The following RPS6KA5 variants were observed in gnomAD, a reference collection of about 807,000 sequenced individuals.
RPS6KA5 encodes ribosomal protein S6 kinase alpha-5.
A neutral mutation model predicts 85.5 loss-of-function variants in RPS6KA5; 27 were observed. The observed-to-expected ratio is 0.32, with a 90% CI of 0.23 to 0.44. RPS6KA5 has a LOEUF of 0.44. Among genes scored for constraint, RPS6KA5 ranks in the 20% least tolerant of loss-of-function variants. RPS6KA5 has a pLI of 1.00. For missense variants in RPS6KA5, 811 were observed against 980.9 expected (o/e 0.83, Z 2.31); for synonymous variants, 334 against 348.2 (o/e 0.96, Z 0.46).
intron 8 of RPS6KA5, among the ~76,000 whole-genome samples, chr14:90,904,570 A>G (rs1035260591): frequency 2.0e-5 from 3 of 152,232 alleles, no homozygotes; most frequent in Admixed American, 2.0e-4. Flanking sequence ...TTATAAGCAC[A>G]TAACTTGTGC....
chr14:91,036,259 T>A (rs1040493330), intron 1 of RPS6KA5, among the ~76,000 whole-genome samples: 1 of 152,198 alleles, frequency 6.6e-6, no homozygotes, highest in Non-Finnish European at 1.5e-5. Flanking sequence ...AAAGACAAGC[T>A]AACTAAGGCC....
chr14:91,024,336 T>C (rs2041908939), intron 1 of RPS6KA5, among the ~76,000 whole-genome samples: 1 of 152,210 alleles, frequency 6.6e-6, no homozygotes, highest in African/African-American at 2.4e-5. Context: ...TTTTATATCA[T>C]CTAATGCTTG....
At chr14:90,908,441 G>C (rs1156872471) in intron 7 of RPS6KA5, among the ~76,000 whole-genome samples, 1 of 152,124 alleles carries the variant, frequency 6.6e-6, no homozygotes, top group Non-Finnish European at 1.5e-5. Context: ...GGAGACCCTA[G>C]CAGGTGATGA....
At chr14:91,005,385 C>A (rs1213486171) in intron 1 of RPS6KA5, among the ~76,000 whole-genome samples, 2 of 152,180 alleles carry the variant, frequency 1.3e-5, no homozygotes, top group Non-Finnish European at 2.9e-5. Context: ...AACTTAGCAA[C>A]CACATGTTTT....
Position 91,060,346 on chromosome 14 carries a change from T to A in RPS6KA5, c.89A>T (p.His30Leu). ...DGGEQLLTVK[H>L]ELRTANLTGH... is the part of the protein sequence containing the mutation. ...GGGTCGCTCACCAGTCCGCAGCTCG[T>A]GCTTGACAGTGAGGAGCTGCTCTCC... The change falls in exon 1 of 17, where the codon CAC (histidine) becomes CTC (leucine). Residue 30 changes from histidine (H) to leucine (L), a missense_variant. Transcript: ENST00000614987. 1 of 1,449,862 alleles carries A rather than the reference T, an allele frequency of 6.9e-7. No homozygotes were observed. Among genetic ancestry groups the A allele is most frequent in the Non-Finnish European group, 9.2e-7 (1 of 1,092,880 alleles). 89.8% of individuals were successfully genotyped at this position (1,449,862 alleles called of 1,614,324 possible). A position where few individuals can be genotyped will look rare whatever the true frequency, so the allele number is the denominator to read the frequency against.
chr14:91,021,931 G>C (rs1410578312), intron 1 of RPS6KA5, among the ~76,000 whole-genome samples: 2 of 152,090 alleles, frequency 1.3e-5, no homozygotes, highest in African/African-American at 4.8e-5. Flanking sequence ...CAAGATCTGG[G>C]CATCAGGTAT....
rs1225292258 is a variant in RPS6KA5 at position 90,910,624 on chromosome 14, T to TAAGC, written c.807-4329_807-4326dup. Among the ~76,000 whole-genome samples the TAAGC allele has an allele frequency of 4.0e-5, 6 of 151,812 alleles. No homozygotes were observed. The East Asian group carries it at 1.2e-3, about 29-fold the overall frequency. ...TCTCAAAAAAAAAATCACTGACCTT[T>TAAGC]AAGCACAAGTCTTAGTAACAATAGG... On this transcript the variant is annotated intron_variant, in intron 7 of 16. Coordinates refer to ENST00000614987, the MANE Select transcript of RPS6KA5 (RefSeq NM_004755.4).
intron 1 of RPS6KA5, among the ~76,000 whole-genome samples, chr14:91,004,979 A>G (rs1041871542): frequency 6.7e-6 from 1 of 149,232 alleles, no homozygotes; most frequent in Non-Finnish European, 1.5e-5. Flanking sequence ...CAAAAAAAAA[A>G]ACAAAAAAAC....
intron 1 of RPS6KA5, among the ~76,000 whole-genome samples, chr14:91,003,756 C>T (rs749869816): frequency 6.6e-6 from 1 of 152,194 alleles, no homozygotes; most frequent in Non-Finnish European, 1.5e-5. Flanking sequence ...TTCTCCCATA[C>T]CTCAAGTCCT....
chr14:90,872,609 C>A lies in RPS6KA5; in HGVS notation c.2161-287G>T, dbSNP rs190536631. Among the ~76,000 whole-genome samples, 7 of 152,260 alleles carry A rather than the reference C, an allele frequency of 4.6e-5. No individual in the cohort carries two copies. The East Asian group carries it at 7.7e-4, about 17-fold the overall frequency. ...GTTAGTACTACATCCTAATACGAAA[C>A]AATTGACTGGAAATTCCTGAAGACC... On this transcript the variant is annotated intron_variant, in intron 16 of 16. Transcript: ENST00000614987.
At chr14:90,934,582 G>A (rs149993616) in intron 5 of RPS6KA5, among the ~76,000 whole-genome samples, 63 of 152,118 alleles carry the variant, frequency 4.1e-4, no homozygotes, top group African/African-American at 1.3e-3. Context: ...ATATATACTT[G>A]GAAGTTTCTG....
intron 1 of RPS6KA5, among the ~76,000 whole-genome samples, chr14:91,031,283 T>A (rs1388483611): frequency 6.6e-6 from 1 of 152,020 alleles, no homozygotes; most frequent in African/African-American, 2.4e-5. Context: ...GTCACAAATA[T>A]GAGAACATAA....
At chr14:90,896,861 C>T (rs2034863359) in intron 12 of RPS6KA5, among the ~76,000 whole-genome samples, 1 of 152,116 alleles carries the variant, frequency 6.6e-6, no homozygotes, top group East Asian at 1.9e-4. Context: ...GCTAGGACTA[C>T]AGGCGCACAA....
At chr14:90,967,787 T>C (rs57403162) in intron 3 of RPS6KA5, among the ~76,000 whole-genome samples, 3,833 of 152,246 alleles carry the variant, frequency 0.025, 144 homozygotes, top group African/African-American at 0.087. Context: ...CTAAGAAGCA[T>C]AAAAATAACA....
At chr14:90,905,694 A>G (rs1249330958) in intron 8 of RPS6KA5, among the ~76,000 whole-genome samples, 1 of 152,208 alleles carries the variant, frequency 6.6e-6, no homozygotes, top group Non-Finnish European at 1.5e-5. Context: ...TAAATTTAAA[A>G]TTTTTAAAGA....
Position 90,865,834 on chromosome 14 carries a change from A to G in RPS6KA5, c.*6240T>C, listed in dbSNP as rs996077127. 2 of 152,062 alleles carry G rather than the reference A, an allele frequency of 1.3e-5. No homozygotes were observed. The highest frequency in any genetic ancestry group is 4.8e-5 in the African/African-American group (2 of 41,364). 9.4% of individuals were successfully genotyped at this position (152,062 alleles called of 1,614,324 possible). A position where few individuals can be genotyped will look rare whatever the true frequency, so the allele number is the denominator to read the frequency against. On this transcript the variant is annotated 3_prime_UTR_variant, in exon 17 of 17. Transcript: ENST00000614987. ...ACAGTAGACAAAGCCTTTTAAAGAG[A>G]TTTGTCCATACGGGCACTGAAATAA...
intron 10 of RPS6KA5, 71 bp downstream of exon 10, chr14:90,900,540 T>C (rs2035105850): frequency 2.1e-6 from 3 of 1,461,766 alleles, no homozygotes; most frequent in Non-Finnish European, 2.8e-6. Flanking sequence ...CTTAAGAACA[T>C]TAATTAGAGT....
chr14:90,892,964 G>A (rs2034643614), intron 13 of RPS6KA5, among the ~76,000 whole-genome samples: 1 of 152,156 alleles, frequency 6.6e-6, no homozygotes, highest in South Asian at 2.1e-4. Context: ...TAACAAATAA[G>A]AAGAATTAAG....
intron 4 of RPS6KA5, among the ~76,000 whole-genome samples, chr14:90,946,535 T>C (rs1187484921): frequency 1.3e-5 from 2 of 152,208 alleles, no homozygotes; most frequent in Non-Finnish European, 2.9e-5. Context: ...TTTAGAAATG[T>C]CATCCTTCAT....
Sources: allele counts gnomAD v4.1 joint callset (sites outside exome capture counted in the v4.1 genomes callset), GRCh38; gene constraint gnomAD v4.1.1; transcripts MANE v1.5; gene names NCBI Gene and HGNC (gene_info 2026-07-23, HGNC 2026-07-21).